TNR: variants seen among roughly 807,000 people sequenced by gnomAD.
TNR encodes the protein tenascin R.
A neutral mutation model predicts 150.4 loss-of-function variants in TNR; 45 were observed. That is an observed-to-expected ratio of 0.30 (90% CI 0.24 to 0.38). The LOEUF (loss-of-function observed/expected upper bound fraction) is 0.38. TNR is among the 10% of genes least tolerant of loss of function. The pLI, the probability that TNR is intolerant of heterozygous loss-of-function variation, is 1.00. For missense variants in TNR, 1,544 were observed against 1,759.1 expected (o/e 0.88, Z 2.19); for synonymous variants, 687 against 678.4 (o/e 1.01, Z -0.20).
chr1:175,547,611 AACAAAGAAACAAAGAAAGAAAGAAAG>A (rs1660751910), intron 1 of TNR, among the ~76,000 whole-genome samples: 1 of 17,806 alleles, frequency 5.6e-5, no homozygotes, highest in African/African-American at 1.4e-4. Context: ...GAAAGAAAGA[AACAAAGAAACAAAGAAAGAAAGAAAG>A]AGAAAGAAAG....
intron 1 of TNR, among the ~76,000 whole-genome samples, chr1:175,604,972 C>A (rs1268407761): frequency 6.6e-6 from 1 of 152,174 alleles, no homozygotes; most frequent in Non-Finnish European, 1.5e-5. Context: ...CCCAAAGAAG[C>A]ATCTGACAAA....
intron 1 of TNR, among the ~76,000 whole-genome samples, chr1:175,683,759 A>G (rs765569527): frequency 6.6e-6 from 1 of 152,224 alleles, no homozygotes; most frequent in Admixed American, 6.5e-5. Flanking sequence ...GGTGTGTTTG[A>G]GGAAACCCCA....
At chr1:175,698,497 G>A (rs1400111632) in intron 1 of TNR, among the ~76,000 whole-genome samples, 1 of 152,146 alleles carries the variant, frequency 6.6e-6, no homozygotes, top group Non-Finnish European at 1.5e-5. Context: ...TGGTCAAGGA[G>A]GATTGATGGG....
In TNR at chr1:175,513,228, G is replaced by A. The variant is rs114969498; in HGVS notation, c.-64+15041C>T. ...TTCCCCACTACACTGTGCTGTAGGC[G>A]TTATTTATTGGGGGAAATGTTGATT... On this transcript the variant is annotated intron_variant, in intron 2 of 22. Transcript: ENST00000367674. Among the ~76,000 whole-genome samples the A allele has an allele frequency of 2.3e-3, 354 of 152,270 alleles. 1 individual carries two copies. Among genetic ancestry groups the A allele is most frequent in the African/African-American group, 7.8e-3 (325 of 41,554 alleles).
intron 2 of TNR, among the ~76,000 whole-genome samples, chr1:175,520,484 C>T (rs1659593589): frequency 6.6e-6 from 1 of 152,204 alleles, no homozygotes; most frequent in African/African-American, 2.4e-5. Flanking sequence ...TTCACCCTGC[C>T]ACCTGGCCAA....
chr1:175,360,468 T>C (rs940374465), intron 14 of TNR, among the ~76,000 whole-genome samples: 1 of 152,244 alleles, frequency 6.6e-6, no homozygotes, highest in African/African-American at 2.4e-5. Flanking sequence ...CATAGGATCA[T>C]CTTCCTAGTC....
intron 2 of TNR, among the ~76,000 whole-genome samples, chr1:175,435,995 G>C (rs1655490977): frequency 6.6e-6 from 1 of 152,242 alleles, no homozygotes; most frequent in Non-Finnish European, 1.5e-5. Context: ...CAGAGTTTCT[G>C]CTGAGAGATC....
At position 175,323,475 on chromosome 1, in the gene TNR, C is replaced by T. The variant is rs1191117184; in HGVS notation, c.3959G>A (p.Gly1320Asp). Residue 1320 changes from glycine (G) to aspartate (D), a missense_variant and splice_region_variant, in exon 23 of 23, where the codon GGC becomes GAC. Gly to Asp is a moderately conservative substitution (Grantham distance 94). Coordinates refer to ENST00000367674, the MANE Select transcript of TNR (RefSeq NM_003285.3). Reference sequence around the variant, plus strand: ...GCCTTTCCAATGGTACCAGTTGATGCCCTGGGCGTGAGAAAGATAAGCATG... The same window carrying T: ...GCCTTTCCAATGGTACCAGTTGATGTCCTGGGCGTGAGAAAGATAAGCATG... ...GKYGESRHSQ[G>D]INWYHWKGHE... 5.0e-6 allele frequency: 8 copies of T among 1,613,454 alleles called. No homozygotes were observed. The highest frequency in any genetic ancestry group is 6.8e-6 in the Non-Finnish European group (8 of 1,179,766).
At chr1:175,505,409 A>C (rs1658917926) in intron 2 of TNR, among the ~76,000 whole-genome samples, 1 of 152,324 alleles carries the variant, frequency 6.6e-6, no homozygotes, top group East Asian at 1.9e-4. Flanking sequence ...CGCGCTAAGC[A>C]TGCGTTCTCA....
At chr1:175,711,070 G>C (rs937158048) in intron 1 of TNR, among the ~76,000 whole-genome samples, 1 of 152,122 alleles carries the variant, frequency 6.6e-6, no homozygotes, top group Non-Finnish European at 1.5e-5. Flanking sequence ...CCTCTGTATG[G>C]GGAGACAAAC....
rs777444756 is a variant in TNR, at chr1:175,324,534, C to T, written c.3794-15G>A. 1.2e-6 allele frequency: 2 copies of T among 1,612,366 alleles called. No homozygotes were observed. The highest frequency in any genetic ancestry group is 1.7e-6 in the Non-Finnish European group (2 of 1,179,114). On this transcript the variant is annotated splice_polypyrimidine_tract_variant and intron_variant, in intron 21 of 22. Coordinates refer to ENST00000367674, the MANE Select transcript of TNR (RefSeq NM_003285.3). The stretch of plus-strand genomic sequence containing the variant: ...GAGGGAGTCCCCTGCAAAAAAGATA[C>T]ATTCATTAGGCTGTCCCATTTGTCA...
chr1:175,442,270 G>A (rs927338086), intron 2 of TNR, among the ~76,000 whole-genome samples: 1 of 152,134 alleles, frequency 6.6e-6, no homozygotes, highest in Non-Finnish European at 1.5e-5. Flanking sequence ...GCAGGAAGCA[G>A]GGCATGTAAA....
intron 4 of TNR, among the ~76,000 whole-genome samples, chr1:175,402,476 A>G (rs1180252919): frequency 2.0e-5 from 3 of 151,912 alleles, no homozygotes; most frequent in Non-Finnish European, 4.4e-5. Flanking sequence ...CTAGATAGTC[A>G]TCTGGAACAA....
intron 1 of TNR, among the ~76,000 whole-genome samples, chr1:175,726,013 C>G (rs889862877): frequency 1.3e-5 from 2 of 152,182 alleles, no homozygotes; most frequent in South Asian, 4.1e-4. Context: ...GAAAAAAGAA[C>G]TTAGAGTGTT....
intron 1 of TNR, among the ~76,000 whole-genome samples, chr1:175,560,133 G>A (rs1661363009): frequency 6.6e-6 from 1 of 152,218 alleles, no homozygotes; most frequent in Admixed American, 6.5e-5. Flanking sequence ...GGTATCCCCA[G>A]TCTGTACCTG....
chr1:175,473,282 T>C (rs1657375526), intron 2 of TNR, among the ~76,000 whole-genome samples: 1 of 152,226 alleles, frequency 6.6e-6, no homozygotes, highest in African/African-American at 2.4e-5. Flanking sequence ...ATTAAGCTTC[T>C]GGTTTCTGTT....
chr1:175,502,094 T>G (rs1222316330), intron 2 of TNR, among the ~76,000 whole-genome samples: 1 of 152,190 alleles, frequency 6.6e-6, no homozygotes, highest in Non-Finnish European at 1.5e-5. Context: ...GTGCTGCACA[T>G]TGGAATCACT....
At chr1:175,669,743 C>A (rs1025036120) in intron 1 of TNR, among the ~76,000 whole-genome samples, 3 of 152,176 alleles carry the variant, frequency 2.0e-5, no homozygotes, top group African/African-American at 7.2e-5. Flanking sequence ...AGGGAGAGGG[C>A]TTTTCTGGGA....
At chr1:175,531,402 A>G (rs1660060123) in intron 1 of TNR, among the ~76,000 whole-genome samples, 1 of 152,210 alleles carries the variant, frequency 6.6e-6, no homozygotes, top group African/African-American at 2.4e-5. Context: ...GCAAAGGATT[A>G]TTATCACAGC....
Sources: allele counts gnomAD v4.1 joint callset (sites outside exome capture counted in the v4.1 genomes callset), GRCh38; gene constraint gnomAD v4.1.1; transcripts MANE v1.5; gene names NCBI Gene and HGNC (gene_info 2026-07-23, HGNC 2026-07-21).